UST: variants seen among roughly 807,000 people sequenced by gnomAD.
UST encodes the protein chondroitin sulfate 2-O-sulfotransferase.
In UST, 21 loss-of-function variants were observed where a neutral mutation model predicts 45.6. The ratio of observed to expected loss-of-function variants is 0.46; its 90% confidence interval spans 0.33 to 0.66. UST has a LOEUF of 0.66. Among genes scored for constraint, UST ranks in the 30% least tolerant of loss-of-function variants. The probability of loss-of-function intolerance (pLI) is 0.02; values close to 1 mark genes in which losing one functional copy is unlikely to be tolerated. For synonymous variants in UST, 215 were observed against 200.6 expected, an observed-to-expected ratio of 1.07 and a Z score of -0.61; for missense variants, 463 against 512.4, an observed-to-expected ratio of 0.90 and a Z score of 0.93.
intron 2 of UST, among the ~76,000 whole-genome samples, chr6:148,891,839 T>C (rs1307026922): frequency 6.6e-6 from 1 of 152,256 alleles, no homozygotes; most frequent in African/African-American, 2.4e-5. Context: ...TTAAAATCAA[T>C]GCAGTGAACC....
chr6:148,920,589 C>T (rs528002312), intron 2 of UST, among the ~76,000 whole-genome samples: 1 of 152,276 alleles, frequency 6.6e-6, no homozygotes, highest in South Asian at 2.1e-4. Flanking sequence ...AATGCGGTGG[C>T]CCAATCCTGG....
intron 1 of UST, among the ~76,000 whole-genome samples, chr6:148,771,084 T>G (rs930466506): frequency 3.3e-5 from 5 of 152,204 alleles, no homozygotes; most frequent in African/African-American, 1.2e-4. Context: ...ATGGTTTGTT[T>G]TTTCTGATTA....
intron 7 of UST, among the ~76,000 whole-genome samples, chr6:149,034,665 G>A (rs995523537): frequency 5.9e-5 from 9 of 152,010 alleles, no homozygotes; most frequent in African/African-American, 1.9e-4. Flanking sequence ...TCTTAATCTC[G>A]GGGATGCTAT....
intron 1 of UST, among the ~76,000 whole-genome samples, chr6:148,786,267 A>T (rs1340385982): frequency 3.3e-5 from 5 of 152,074 alleles, no homozygotes; most frequent in Non-Finnish European, 1.5e-5. Flanking sequence ...CGTGTGCAGG[A>T]TGTGCAGGTT....
intron 5 of UST, among the ~76,000 whole-genome samples, chr6:149,010,895 CAAAAA>C (rs1172538648): frequency 1.8e-4 from 12 of 65,612 alleles, no homozygotes; most frequent in African/African-American, 7.3e-4. Flanking sequence ...CCGTCTCAAC[CAAAAA>C]AAAAAAAAAA....
chr6:148,773,419 C>T (rs998212389), intron 1 of UST, among the ~76,000 whole-genome samples: 1 of 151,738 alleles, frequency 6.6e-6, no homozygotes, highest in Non-Finnish European at 1.5e-5. Flanking sequence ...CAAGATTGTG[C>T]CACTGTACTC....
chr6:148,839,859 T>C (rs1582844560), intron 1 of UST, among the ~76,000 whole-genome samples: 1 of 152,088 alleles, frequency 6.6e-6, no homozygotes, highest in African/African-American at 2.4e-5. Flanking sequence ...ACAGAGAAGG[T>C]AAAAAGGGGT....
At chr6:148,908,260 G>T (rs1015390919) in intron 2 of UST, among the ~76,000 whole-genome samples, 2 of 152,046 alleles carry the variant, frequency 1.3e-5, no homozygotes, top group Non-Finnish European at 2.9e-5. Context: ...AGTAAAAATA[G>T]GCTCTCATTA....
intron 5 of UST, among the ~76,000 whole-genome samples, chr6:148,988,301 C>T (rs1163768201): frequency 5.9e-5 from 9 of 151,988 alleles, no homozygotes; most frequent in Non-Finnish European, 1.0e-4. Flanking sequence ...AGGCTGGGTG[C>T]GGTGGCTCAT....
intron 4 of UST, among the ~76,000 whole-genome samples, chr6:148,954,532 C>G (rs1403693460): frequency 2.0e-5 from 3 of 152,112 alleles, no homozygotes; most frequent in Non-Finnish European, 2.9e-5. Context: ...ACAGTTGCCT[C>G]CAGTATTCAG....
intron 1 of UST, among the ~76,000 whole-genome samples, chr6:148,771,547 G>C (rs1233124879): frequency 1.3e-5 from 2 of 152,236 alleles, no homozygotes; most frequent in Non-Finnish European, 2.9e-5. Context: ...TTGGAAGAGA[G>C]TAAGTCTAGG....
intron 1 of UST, among the ~76,000 whole-genome samples, chr6:148,845,099 G>A (rs1289745051): frequency 1.3e-5 from 2 of 152,180 alleles, no homozygotes; most frequent in Non-Finnish European, 2.9e-5. Context: ...TAACATAAGA[G>A]TGCATGTGTC....
At chr6:148,901,153 C>A (rs574778491) in intron 2 of UST, among the ~76,000 whole-genome samples, 1 of 152,242 alleles carries the variant, frequency 6.6e-6, no homozygotes, top group Non-Finnish European at 1.5e-5. Flanking sequence ...GGGGGACCAT[C>A]ATTCTGCCTT....
At chr6:148,977,751 CAAAAAAA>C (rs60475773) in intron 5 of UST, among the ~76,000 whole-genome samples, 5 of 88,198 alleles carry the variant, frequency 5.7e-5, no homozygotes, top group African/African-American at 1.7e-4. Flanking sequence ...GAATCTGTCT[CAAAAAAA>C]AAAAAAAAAA....
chr6:148,927,554 C>G (rs9390636), intron 2 of UST, among the ~76,000 whole-genome samples: 2,261 of 152,224 alleles, frequency 0.015, 83 homozygotes, highest in East Asian at 0.13. Flanking sequence ...AATTCCCAGC[C>G]TTTTCTTCTT....
At position 148,985,904 on chromosome 6, in the gene UST, T is replaced by C. The variant is rs191803357; in HGVS notation, c.681+21341T>C. 4.3e-4 allele frequency among the ~76,000 whole-genome samples: 65 copies of C among 152,294 alleles called. 1 individual carries two copies. Among genetic ancestry groups the C allele is most frequent in the South Asian group, 2.5e-3 (12 of 4,818 alleles). On this transcript the variant is annotated intron_variant, in intron 5 of 7. Coordinates refer to ENST00000367463, the MANE Select transcript of UST (RefSeq NM_005715.3). ...TGAGATTGGATGTGCAAGAGATTTA[T>C]TGGGGGAAATGCCTGTGAAGGGAAA... is the stretch of plus-strand genomic sequence containing the variant.
At chr6:149,014,443 C>G (rs1775864055) in intron 5 of UST, among the ~76,000 whole-genome samples, 1 of 152,222 alleles carries the variant, frequency 6.6e-6, no homozygotes, top group African/African-American at 2.4e-5. Flanking sequence ...AGGTTCCAGA[C>G]AGACCCCACT....
rs568920559 is a variant in UST, at chr6:148,857,962, C to A, written c.248-29024C>A. The stretch of plus-strand genomic sequence containing the variant: ...ACACTTGGGCGAAAATGAAAAAAAA[C>A]CCAAGTATGTGTTGAATGCAAAGAG... On this transcript the variant is annotated intron_variant, in intron 1 of 7. Coordinates refer to ENST00000367463, the MANE Select transcript of UST (RefSeq NM_005715.3). 2.6e-5 allele frequency among the ~76,000 whole-genome samples: 4 copies of A among 151,974 alleles called. No individual in the cohort carries two copies. In the South Asian group the frequency reaches 8.3e-4, roughly 32 times the overall value.
At position 148,775,654 on chromosome 6, in the gene UST, G is replaced by C. The variant is rs1776519873; in HGVS notation, c.247+27977G>C. 3.3e-5 allele frequency among the ~76,000 whole-genome samples: 5 copies of C among 150,588 alleles called. No individual in the cohort carries two copies. The South Asian group carries it at 1.1e-3, about 32-fold the overall frequency. On this transcript the variant is annotated intron_variant, in intron 1 of 7. Transcript: ENST00000367463. ...TTTTTTTTTTTGGGGCGGGGAGAGA[G>C]TCTCACTCTATCCCCCAGGCTGGAG...
Sources: allele counts gnomAD v4.1 joint callset (sites outside exome capture counted in the v4.1 genomes callset), GRCh38; gene constraint gnomAD v4.1.1; transcripts MANE v1.5; gene names NCBI Gene and HGNC (gene_info 2026-07-23, HGNC 2026-07-21).